Variants in LMBR1 observed in about 807,000 individuals in gnomAD.
LMBR1 encodes limb region 1 protein homolog.
LMBR1 carries 52 observed loss-of-function variants against 73.9 expected under a neutral mutation model. The observed-to-expected ratio is 0.70, with a 90% CI of 0.56 to 0.89. The LOEUF (loss-of-function observed/expected upper bound fraction) is 0.89. Ranked by LOEUF, LMBR1 falls within the 40% of genes least tolerant of loss-of-function variation. LMBR1 has a pLI of 0.00. For synonymous variants in LMBR1, 215 were observed against 209.4 expected (o/e 1.03, Z -0.23); for missense variants, 539 against 579.8 (o/e 0.93, Z 0.72).
chr7:156,736,834 T>G (rs1302508211), intron 9 of LMBR1, among the ~76,000 whole-genome samples: 1 of 152,218 alleles, frequency 6.6e-6, no homozygotes, highest in Non-Finnish European at 1.5e-5. Flanking sequence ...TTCTTTTACT[T>G]AATTTTCTAT....
At chr7:156,712,821 T>C (rs993894614) in intron 15 of LMBR1, among the ~76,000 whole-genome samples, 5 of 152,080 alleles carry the variant, frequency 3.3e-5, no homozygotes, top group African/African-American at 1.2e-4. Context: ...CACATGGATG[T>C]AGGGTGCAGA....
At chr7:156,827,448 T>C (rs558410450) in intron 3 of LMBR1, among the ~76,000 whole-genome samples, 52 of 152,238 alleles carry the variant, frequency 3.4e-4, no homozygotes, top group African/African-American at 1.1e-3. Flanking sequence ...AATGCATATT[T>C]ATACAGAGGT....
intron 5 of LMBR1, among the ~76,000 whole-genome samples, chr7:156,781,302 C>T (rs1377013631): frequency 1.3e-5 from 2 of 152,096 alleles, no homozygotes; most frequent in Non-Finnish European, 2.9e-5. Context: ...TTCCAAAACA[C>T]CACAGAAGAT....
chr7:156,832,694 C>G (rs761080330), intron 3 of LMBR1, among the ~76,000 whole-genome samples: 2 of 152,234 alleles, frequency 1.3e-5, no homozygotes, highest in Admixed American at 6.5e-5. Context: ...TGTGAAAGCA[C>G]ACAGAATCTT....
chr7:156,760,502 A>C (rs1267578665), intron 8 of LMBR1, among the ~76,000 whole-genome samples: 1 of 152,200 alleles, frequency 6.6e-6, no homozygotes, highest in African/African-American at 2.4e-5. Context: ...CAATGATGGA[A>C]CTTTAAACAT....
chr7:156,837,159 A>C (rs976867555), intron 1 of LMBR1, among the ~76,000 whole-genome samples: 1 of 137,988 alleles, frequency 7.2e-6, no homozygotes, highest in Non-Finnish European at 1.6e-5. Flanking sequence ...CCCTGTCTCT[A>C]CTAAAAAATA....
In LMBR1 at chr7:156,734,259, T is replaced by G; in HGVS notation, c.758-2A>C. On this transcript the variant is annotated splice_acceptor_variant, in intron 9 of 16. Coordinates refer to ENST00000353442, the MANE Select transcript of LMBR1 (RefSeq NM_022458.4). LOFTEE classifies it high-confidence loss of function. ...TGTATTCCACCGATGAAGACAGCCC[T>G]GTTCAAAGCAAAAAATATTTAGAAG... 6.3e-7 allele frequency: 1 copy of G among 1,589,406 alleles called. No individual in the cohort carries two copies. Among genetic ancestry groups the G allele is most frequent in the Non-Finnish European group, 8.5e-7 (1 of 1,170,778 alleles).
intron 15 of LMBR1, among the ~76,000 whole-genome samples, chr7:156,720,309 G>A (rs1300408642): frequency 1.3e-5 from 2 of 152,108 alleles, no homozygotes; most frequent in African/African-American, 2.4e-5. Context: ...TGGTCCTAAA[G>A]GAAATTATTT....
Position 156,798,929 on chromosome 7 carries a change from C to T in LMBR1, c.320-2437G>A, listed in dbSNP as rs545240691. 5.3e-5 allele frequency among the ~76,000 whole-genome samples: 8 copies of T among 151,924 alleles called. No individual in the cohort carries two copies. In the East Asian group the frequency reaches 1.5e-3, roughly 29 times the overall value. The stretch of plus-strand genomic sequence containing the variant: ...TATCTACTGGCCGGGCATGGTGGCT[C>T]ATACCTGTAATCCCAGCACTTTGGG... On this transcript the variant is annotated intron_variant, in intron 4 of 16. Coordinates refer to ENST00000353442, the MANE Select transcript of LMBR1 (RefSeq NM_022458.4).
chr7:156,675,375 A>G (rs902479677), downstream of LMBR1, among the ~76,000 whole-genome samples: 3 of 152,168 alleles, frequency 2.0e-5, no homozygotes, highest in African/African-American at 7.2e-5. Flanking sequence ...GGGAGAGGTC[A>G]GACGGTCCCT....
chr7:156,851,587 G>C (rs1343292118), intron 1 of LMBR1, among the ~76,000 whole-genome samples: 1 of 152,132 alleles, frequency 6.6e-6, no homozygotes, highest in African/African-American at 2.4e-5. Context: ...TGGTAAAGTT[G>C]GGGGGCTGGG....
At chr7:156,693,059 GAAAAC>G (rs1475550334) in intron 15 of LMBR1, among the ~76,000 whole-genome samples, 1 of 151,374 alleles carries the variant, frequency 6.6e-6, no homozygotes, top group Admixed American at 6.6e-5. Context: ...ACAGCAACAG[GAAAAC>G]AAAACAAAGA....
chr7:156,734,041 C>T, intron 10 of LMBR1, 136 bp downstream of exon 10: 1 of 527,294 alleles, frequency 1.9e-6, no homozygotes, highest in South Asian at 3.8e-5. Flanking sequence ...GTAAGATAGT[C>T]TTTATTAATG....
chr7:156,771,208 A>G (rs1209065975), intron 5 of LMBR1, among the ~76,000 whole-genome samples: 1 of 152,188 alleles, frequency 6.6e-6, no homozygotes, highest in Non-Finnish European at 1.5e-5. Flanking sequence ...AGCTACCAGA[A>G]GACAAGAAAT....
chr7:156,857,947 CA>C (rs1313087996), intron 1 of LMBR1, among the ~76,000 whole-genome samples: 2 of 150,362 alleles, frequency 1.3e-5, no homozygotes, highest in Non-Finnish European at 3.0e-5. Context: ...GCAGCAAAAG[CA>C]GCGCTTAGAG....
At chr7:156,796,359 C>A (rs765602160) in intron 5 of LMBR1, 30 bp downstream of exon 5, 5 of 1,438,936 alleles carry the variant, frequency 3.5e-6, no homozygotes, top group Non-Finnish European at 3.8e-6. Context: ...CTCACTTAAC[C>A]AATTTAATTC....
chr7:156,756,601 C>T (rs987987769), intron 8 of LMBR1, 136 bp from the exon 9 acceptor site: 4 of 575,764 alleles, frequency 6.9e-6, no homozygotes, highest in Non-Finnish European at 1.2e-5. Flanking sequence ...CAAAAAAACT[C>T]CAACTATGTT....
At chr7:156,694,638 C>T (rs1807901407) in intron 15 of LMBR1, among the ~76,000 whole-genome samples, 1 of 152,306 alleles carries the variant, frequency 6.6e-6, no homozygotes, top group Non-Finnish European at 1.5e-5. Flanking sequence ...AAATTATCTA[C>T]ATATGCAGTT....
chr7:156,868,649 C>T (rs1036571974), intron 1 of LMBR1, among the ~76,000 whole-genome samples: 2 of 149,992 alleles, frequency 1.3e-5, no homozygotes, highest in African/African-American at 4.9e-5. Context: ...GGCAACAGAG[C>T]AAGATGCCAT....
Sources: allele counts gnomAD v4.1 joint callset (sites outside exome capture counted in the v4.1 genomes callset), GRCh38; gene constraint gnomAD v4.1.1; transcripts MANE v1.5; gene names NCBI Gene and HGNC (gene_info 2026-07-23, HGNC 2026-07-21).